The following RHOBTB1 variants were observed in gnomAD, a reference collection of about 807,000 sequenced individuals.
RHOBTB1 encodes Rho related BTB domain containing 1.
Under a neutral mutation model 71.6 loss-of-function variants are expected in RHOBTB1, and 40 were observed. The observed-to-expected ratio is 0.56, with a 90% CI of 0.43 to 0.73. The LOEUF (loss-of-function observed/expected upper bound fraction) is 0.73, where lower values mean the gene tolerates loss of function less well. Among genes scored for constraint, RHOBTB1 ranks in the 30% least tolerant of loss-of-function variants. The pLI, the probability that RHOBTB1 is intolerant of heterozygous loss-of-function variation, is 0.00. For synonymous variants in RHOBTB1, 319 were observed against 334.9 expected (o/e 0.95, Z 0.52); for missense variants, 797 against 894.0 (o/e 0.89, Z 1.38).
At chr10:60,917,613 G>C (rs997943510) in intron 2 of RHOBTB1, among the ~76,000 whole-genome samples, 1 of 152,060 alleles carries the variant, frequency 6.6e-6, no homozygotes, top group African/African-American at 2.4e-5. Flanking sequence ...TCCTAAAAGG[G>C]CACTAATCTC....
intron 2 of RHOBTB1, among the ~76,000 whole-genome samples, chr10:60,930,503 C>T (rs1161944607): frequency 6.6e-6 from 1 of 152,158 alleles, no homozygotes; most frequent in Non-Finnish European, 1.5e-5. Flanking sequence ...ATACATTCGA[C>T]TGAAACAACA....
intron 2 of RHOBTB1, among the ~76,000 whole-genome samples, chr10:60,920,967 T>C (rs2083530138): frequency 1.3e-5 from 2 of 148,816 alleles, no homozygotes; most frequent in African/African-American, 5.1e-5. Context: ...TTTTTTTTTT[T>C]TATGAGACAG....
intron 2 of RHOBTB1, among the ~76,000 whole-genome samples, chr10:60,931,490 C>T (rs1162994171): frequency 6.6e-6 from 1 of 152,092 alleles, no homozygotes. Flanking sequence ...AATTTTCATC[C>T]ATATTGTAGC....
intron 8 of RHOBTB1, among the ~76,000 whole-genome samples, chr10:60,875,610 G>A (rs1204463530): frequency 6.6e-6 from 1 of 152,152 alleles, no homozygotes; most frequent in Non-Finnish European, 1.5e-5. Context: ...ATGGTGAAGA[G>A]GTTGAGTGAC....
intron 1 of RHOBTB1, among the ~76,000 whole-genome samples, chr10:60,994,112 C>A (rs1278035072): frequency 6.6e-6 from 1 of 152,016 alleles, no homozygotes; most frequent in Non-Finnish European, 1.5e-5. Context: ...CACTAAAAAA[C>A]CATATCCTGA....
chr10:60,893,264 A>G (rs1391027823), intron 4 of RHOBTB1, among the ~76,000 whole-genome samples: 1 of 152,228 alleles, frequency 6.6e-6, no homozygotes, highest in Admixed American at 6.5e-5. Flanking sequence ...ATTTTATGGT[A>G]GAGATGATTA....
chr10:60,951,639 C>A (rs972407792), intron 2 of RHOBTB1, among the ~76,000 whole-genome samples: 7 of 152,188 alleles, frequency 4.6e-5, no homozygotes, highest in Non-Finnish European at 1.0e-4. Flanking sequence ...CACATCCTGT[C>A]ACGGTATCCA....
chr10:60,985,256 A>G (rs1283399460), intron 2 of RHOBTB1, among the ~76,000 whole-genome samples: 2 of 152,348 alleles, frequency 1.3e-5, no homozygotes, highest in Admixed American at 1.3e-4. Context: ...TCCATTTCAA[A>G]TAATTCTACG....
the RHOBTB1 span, among the ~76,000 whole-genome samples, chr10:60,863,626 A>G: frequency 0.18 from 27,427 of 151,852 alleles, 2,744 homozygotes; most frequent in African/African-American, 0.27. Context: ...TCTGCCTCCC[A>G]GGTTCAAGTG....
intron 2 of RHOBTB1, among the ~76,000 whole-genome samples, chr10:60,924,654 G>A (rs2083764821): frequency 6.6e-6 from 1 of 152,102 alleles, no homozygotes; most frequent in South Asian, 2.1e-4. Context: ...GGACCTAACA[G>A]ACATTTACAG....
Position 60,998,628 on chromosome 10 carries a change from G to A in RHOBTB1, c.-163+2771C>T, listed in dbSNP as rs73268034. 5.5e-3 allele frequency among the ~76,000 whole-genome samples: 831 copies of A among 152,232 alleles called. 12 individuals carry two copies. Among genetic ancestry groups the A allele is most frequent in the African/African-American group, 0.018 (741 of 41,540 alleles). On this transcript the variant is annotated intron_variant, in intron 1 of 11. Coordinates refer to the RHOBTB1 transcript ENST00000357917. Reference sequence around the variant, plus strand: ...AAGAAGAAAAACGGGAAGGAAGGGGGTGGAAAAAGGGGAAGGGAGAGCATA... The same window carrying A: ...AAGAAGAAAAACGGGAAGGAAGGGGATGGAAAAAGGGGAAGGGAGAGCATA...
At chr10:60,961,503 T>C (rs1041645045) in intron 2 of RHOBTB1, among the ~76,000 whole-genome samples, 1 of 152,158 alleles carries the variant, frequency 6.6e-6, no homozygotes, top group Admixed American at 6.5e-5. Context: ...ATAAAATGAA[T>C]ACAATGATGT....
intron 8 of RHOBTB1, chr10:60,877,214 T>G (rs1033916282): frequency 6.6e-6 from 1 of 152,262 alleles, no homozygotes; most frequent in African/African-American, 2.4e-5. Flanking sequence ...TTTGTGAAGT[T>G]AAGCCAAGTT....
At chr10:60,884,169 A>G (rs1252353317) in intron 7 of RHOBTB1, among the ~76,000 whole-genome samples, 1 of 152,196 alleles carries the variant, frequency 6.6e-6, no homozygotes, top group Non-Finnish European at 1.5e-5. Flanking sequence ...TGATCTTCTC[A>G]GCCCCTGCTA....
At chr10:60,936,482 T>A (rs2084590003) in intron 2 of RHOBTB1, among the ~76,000 whole-genome samples, 1 of 152,250 alleles carries the variant, frequency 6.6e-6, no homozygotes, top group African/African-American at 2.4e-5. Flanking sequence ...TACCAGGTCA[T>A]CACCGCCTAC....
intron 2 of RHOBTB1, among the ~76,000 whole-genome samples, chr10:60,975,621 C>T (rs1011322662): frequency 3.3e-5 from 5 of 152,064 alleles, no homozygotes; most frequent in Non-Finnish European, 5.9e-5. Flanking sequence ...ACATTCTCCA[C>T]GTGCTGTTCT....
chr10:60,898,960 T>C (rs1488042046), intron 4 of RHOBTB1, among the ~76,000 whole-genome samples: 1 of 152,184 alleles, frequency 6.6e-6, no homozygotes, highest in Non-Finnish European at 1.5e-5. Flanking sequence ...AAACCGCAAT[T>C]ACGTTTGCAC....
chr10:60,979,378 A>C (rs1182318643), intron 2 of RHOBTB1, among the ~76,000 whole-genome samples: 2 of 152,176 alleles, frequency 1.3e-5, no homozygotes, highest in African/African-American at 4.8e-5. Flanking sequence ...AAAGTTTATC[A>C]ATGGTCAAAA....
rs185217673 is a variant in RHOBTB1, at chr10:60,871,230, C to T, written c.*252G>A. 31 of 363,516 alleles carry T rather than the reference C, an allele frequency of 8.5e-5. No individual in the cohort carries two copies. The Admixed American group carries it at 9.5e-4, about 11-fold the overall frequency. 22.5% of individuals were successfully genotyped at this position (363,516 alleles called of 1,614,324 possible). ...AACAGACTAAAGTTTATTAAGCCTC[C>T]TAACAAAAAAAATATACATATCAGT... On this transcript the variant is annotated 3_prime_UTR_variant, in exon 11 of 11. Transcript: ENST00000337910.
Sources: allele counts gnomAD v4.1 joint callset (sites outside exome capture counted in the v4.1 genomes callset), GRCh38; gene constraint gnomAD v4.1.1; transcripts MANE v1.5; gene names NCBI Gene and HGNC (gene_info 2026-07-23, HGNC 2026-07-21).